Variants in FCGRT observed in about 807,000 individuals in gnomAD.
FCGRT encodes Fc gamma receptor and transporter, also known as IgG receptor FcRn large subunit p51.
In FCGRT, 13 loss-of-function variants were observed where a neutral mutation model predicts 35.7. The observed-to-expected ratio is 0.36, with a 90% CI of 0.24 to 0.58. The LOEUF (loss-of-function observed/expected upper bound fraction) is 0.58. FCGRT is among the 20% of genes least tolerant of loss of function. The pLI is 0.77. For missense variants in FCGRT, 455 were observed against 474.9 expected (o/e 0.96, Z 0.39); for synonymous variants, 233 against 216.5 (o/e 1.08, Z -0.67).
chr19:49,516,146 T>A (rs1381345043), intron 4 of FCGRT: 1 of 454,426 alleles, frequency 2.2e-6, no homozygotes, highest in Non-Finnish European at 4.4e-6. Context: ...CAGCTGGGGA[T>A]GTGCACAGAT....
intron 4 of FCGRT, among the ~76,000 whole-genome samples, chr19:49,523,558 ACTC>A (rs1448299520): frequency 1.7e-4 from 26 of 148,906 alleles, no homozygotes; most frequent in Middle Eastern, 8.2e-3. Context: ...ACAGAGCGAG[ACTC>A]TTATCTCAAA....
chr19:49,522,437 T>A (rs1048238723), intron 4 of FCGRT, among the ~76,000 whole-genome samples: 16 of 151,688 alleles, frequency 1.1e-4, no homozygotes, highest in Non-Finnish European at 1.8e-4. Context: ...AAATTTTTAA[T>A]TTTTTATTTT....
intron 1 of FCGRT, 83 bp from the exon 2 acceptor site, chr19:49,513,304 T>C: frequency 1.7e-6 from 1 of 595,814 alleles, no homozygotes; most frequent in Non-Finnish European, 2.5e-6. Flanking sequence ...CTCGGCGTCC[T>C]GGTCCCGGCC....
At chr19:49,522,201 T>G (rs2080045086) in intron 4 of FCGRT, among the ~76,000 whole-genome samples, 2 of 151,132 alleles carry the variant, frequency 1.3e-5, no homozygotes, top group Admixed American at 1.3e-4. Flanking sequence ...CCTGCCTCAG[T>G]CTCCAGAGTA....
chr19:49,521,587 A>G (rs1356258471), intron 4 of FCGRT: 1 of 149,880 alleles, frequency 6.7e-6, no homozygotes, highest in East Asian at 2.0e-4. Flanking sequence ...AAAAAAAAGG[A>G]AAAGAAAGCC....
intron 4 of FCGRT, among the ~76,000 whole-genome samples, chr19:49,519,989 C>T (rs1288795415): frequency 6.6e-6 from 1 of 151,060 alleles, no homozygotes; most frequent in African/African-American, 2.4e-5. Context: ...TGCCACCATG[C>T]CTGGCTAATT....
rs1399528788 is a variant in FCGRT at position 49,520,110 on chromosome 19, C to T, written c.602-4397C>T. Among the ~76,000 whole-genome samples, 6 of 144,358 alleles carry T rather than the reference C, an allele frequency of 4.2e-5. No homozygotes were observed. In the South Asian group the frequency reaches 1.1e-3, roughly 27 times the overall value. The allele number at this position is 144,358 out of a possible 152,430, so 94.7% of individuals were successfully genotyped here. ...CCTCCCAAAGTGCTGGGATTACAGGCGTGAGCCACCGCGCCCGGGCTTTTT... is the reference window on the plus strand; with the variant it reads ...CCTCCCAAAGTGCTGGGATTACAGGTGTGAGCCACCGCGCCCGGGCTTTTT... On this transcript the variant is annotated intron_variant, in intron 4 of 6. Transcript: ENST00000221466.
chr19:49,517,383 C>A (rs113063286), intron 4 of FCGRT, among the ~76,000 whole-genome samples: 2 of 151,700 alleles, frequency 1.3e-5, no homozygotes, highest in East Asian at 1.9e-4. Flanking sequence ...TCCAGCTATT[C>A]GGGAGGCTGA....
chr19:49,524,941 C>T, intron 5 of FCGRT, 165 bp downstream of exon 5: 2 of 759,164 alleles, frequency 2.6e-6, no homozygotes, highest in South Asian at 1.5e-5. Context: ...GATGGCTTGT[C>T]CTTCCCAAGG....
chr19:49,524,606 G>A lies in FCGRT; in HGVS notation c.701G>A (p.Arg234Gln), dbSNP rs752571484. 3.5e-5 allele frequency: 57 copies of A among 1,611,530 alleles called. No homozygotes were observed. In the South Asian group the frequency reaches 6.1e-4, roughly 17 times the overall value. Reference protein sequence around the residue: ...FSFYPPELQLRFLRNGLAAGT... With the variant: ...FSFYPPELQLQFLRNGLAAGT... ...TTCTACCCTCCGGAGCTGCAACTTC[G>A]GTTCCTGCGGAATGGGCTGGCCGCT... The change falls in exon 5 of 7, where the codon CGG (arginine) becomes CAG (glutamine). Residue 234 changes from arginine (R) to glutamine (Q), a missense_variant. Transcript: ENST00000221466.
rs2079990454 is a variant in FCGRT at position 49,513,973 on chromosome 19, G to A, written c.165G>A (p.Pro55=). ...TCTGGGTGTCCGGCTGGCTGGGCCC[G>A]CAGCAGTACCTGAGCTACAATAGCC... is the stretch of plus-strand genomic sequence containing the variant. ...PAFWVSGWLG[P]QQYLSYNSLR... The change falls in exon 3 of 7, where the codon CCG becomes CCA. Residue 55 remains proline, a synonymous_variant. Coordinates refer to ENST00000221466, the MANE Select transcript of FCGRT (RefSeq NM_001136019.3). The A allele has an allele frequency of 1.2e-6, 2 of 1,613,808 alleles. No homozygotes were observed. Among genetic ancestry groups the A allele is most frequent in the African/African-American group, 1.3e-5 (1 of 74,910 alleles).
At chr19:49,518,015 G>A (rs2080018613) in intron 4 of FCGRT, among the ~76,000 whole-genome samples, 1 of 151,996 alleles carries the variant, frequency 6.6e-6, no homozygotes, top group Non-Finnish European at 1.5e-5. Flanking sequence ...TAGTAGAGAC[G>A]GGATTTCACT....
intron 4 of FCGRT, among the ~76,000 whole-genome samples, chr19:49,519,137 C>T (rs958334642): frequency 2.0e-5 from 3 of 152,172 alleles, no homozygotes; most frequent in African/African-American, 7.2e-5. Context: ...CCACCGCGCC[C>T]GGCCGGATTC....
rs776800619 is a variant in FCGRT at position 49,525,996 on chromosome 19, C to T, written c.989-14C>T. The T allele has an allele frequency of 1.7e-5, 26 of 1,548,974 alleles. 1 individual carries two copies. The highest frequency in any genetic ancestry group is 5.6e-5 in the South Asian group (5 of 89,816). On this transcript the variant is annotated splice_polypyrimidine_tract_variant and intron_variant, in intron 6 of 6. Transcript: ENST00000221466. ...AGAGATTCTGATGACCTCTCCCTCTCTCTCTCTCCTCAGCCCCTTGGATCT... is the reference window on the plus strand; with the variant it reads ...AGAGATTCTGATGACCTCTCCCTCTTTCTCTCTCCTCAGCCCCTTGGATCT...
intron 4 of FCGRT, among the ~76,000 whole-genome samples, chr19:49,522,246 AT>A (rs533521212): frequency 6.7e-6 from 1 of 150,146 alleles, no homozygotes; most frequent in Admixed American, 6.7e-5. Context: ...ACACTGGCTA[AT>A]TTTTTTTATT....
intron 4 of FCGRT, among the ~76,000 whole-genome samples, chr19:49,517,541 A>AAAGGAAGG (rs56387904): frequency 9.2e-5 from 14 of 151,354 alleles, no homozygotes; most frequent in African/African-American, 2.0e-4. Context: ...AAGAGGAAGG[A>AAAGGAAGG]AAGGAAGGAA....
intron 4 of FCGRT, among the ~76,000 whole-genome samples, chr19:49,523,959 T>C (rs1391980698): frequency 6.6e-6 from 1 of 152,106 alleles, no homozygotes; most frequent in African/African-American, 2.4e-5. Flanking sequence ...ATGTGTTCAG[T>C]TCATCTAAAT....
chr19:49,525,958 C>T, intron 6 of FCGRT, 52 bp from the exon 7 acceptor site: 1 of 1,125,032 alleles, frequency 8.9e-7, no homozygotes, highest in Non-Finnish European at 1.4e-6. Context: ...GCCAGTCAGA[C>T]CCAGAGCGCC....
chr19:49,520,508 G>C (rs1226855233), intron 4 of FCGRT, among the ~76,000 whole-genome samples: 6 of 152,022 alleles, frequency 3.9e-5, no homozygotes, highest in Admixed American at 3.9e-4. Context: ...GCCATGCCTA[G>C]CTAATTTTTA....
Sources: gnomAD v4.1 joint callset for allele counts (sites outside exome capture counted in the v4.1 genomes callset) on GRCh38, gnomAD v4.1.1 for gene constraint, MANE v1.5 for transcripts, NCBI Gene and HGNC (gene_info 2026-07-23, HGNC 2026-07-21) for gene names.